Variants in RASD2 observed in about 807,000 individuals in gnomAD.
RASD2 encodes the protein RASD family member 2, also known as GTP-binding protein Rhes.
Under a neutral mutation model 15.8 loss-of-function variants are expected in RASD2, and 7 were observed. That is an observed-to-expected ratio of 0.44 (90% CI 0.25 to 0.83). The LOEUF is 0.83. RASD2 is among the 40% of genes least tolerant of loss of function. The pLI is 0.20. For missense variants in RASD2, 274 were observed against 382.8 expected (o/e 0.72, Z 2.37); for synonymous variants, 155 against 153.6 (o/e 1.01, Z -0.07).
In RASD2 at chr22:35,552,289, G is replaced by A; in HGVS notation, c.*257G>A. The A allele has an allele frequency of 3.7e-6, 2 of 547,292 alleles. No individual in the cohort carries two copies. The highest frequency in any genetic ancestry group is 3.2e-6 in the Non-Finnish European group (1 of 309,760). 33.9% of individuals were successfully genotyped at this position (547,292 alleles called of 1,614,324 possible). The stretch of plus-strand genomic sequence containing the variant: ...ACATCTCTGCAGCCTCAAGAGTTAG[G>A]CAGAGACTCAAGTTACACCTTCCTC... On this transcript the variant is annotated 3_prime_UTR_variant, in exon 3 of 3. Coordinates refer to ENST00000216127, the MANE Select transcript of RASD2 (RefSeq NM_014310.4).
the RASD2 span, among the ~76,000 whole-genome samples, chr22:35,534,010 T>C: frequency 6.6e-6 from 1 of 151,996 alleles, no homozygotes; most frequent in Non-Finnish European, 1.5e-5. Context: ...GTGATAGTGA[T>C]GGTAATGATG....
chr22:35,537,816 T>C (rs1934264230), upstream of RASD2, among the ~76,000 whole-genome samples: 1 of 152,194 alleles, frequency 6.6e-6, no homozygotes, highest in African/African-American at 2.4e-5. Flanking sequence ...AGGGATAGCT[T>C]CTCTTCTTTA....
At chr22:35,550,264 A>C (rs923222324) in intron 2 of RASD2, among the ~76,000 whole-genome samples, 13 of 151,524 alleles carry the variant, frequency 8.6e-5, no homozygotes, top group African/African-American at 2.9e-4. Context: ...ACTCTGTCTC[A>C]GAAAATAAAT....
At chr22:35,540,214 C>A (rs975338153), upstream of RASD2, among the ~76,000 whole-genome samples, 1 of 152,100 alleles carries the variant, frequency 6.6e-6, no homozygotes, top group African/African-American at 2.4e-5. Context: ...AGTGGGCAGG[C>A]GGCCGGACCC....
intron 2 of RASD2, among the ~76,000 whole-genome samples, chr22:35,547,638 A>T (rs1330288737): frequency 6.6e-6 from 1 of 152,172 alleles, no homozygotes. Context: ...TTTTTGAAAC[A>T]GAGTCTCGCT....
At chr22:35,550,302 A>C (rs966326351) in intron 2 of RASD2, among the ~76,000 whole-genome samples, 1 of 150,472 alleles carries the variant, frequency 6.6e-6, no homozygotes, top group East Asian at 2.0e-4. Flanking sequence ...ATAGCTAGGC[A>C]TGGTGACAGG....
At chr22:35,545,505 T>C (rs140134919) in intron 1 of RASD2, among the ~76,000 whole-genome samples, 14 of 152,328 alleles carry the variant, frequency 9.2e-5, no homozygotes, top group African/African-American at 2.4e-4. Flanking sequence ...CACCCAGCCA[T>C]GCGCCTTGTG....
chr22:35,551,065 A>G lies in RASD2; in HGVS notation c.272-438A>G, dbSNP rs1934652301. On this transcript the variant is annotated intron_variant, in intron 2 of 2. Transcript: ENST00000216127. The surrounding 1 kb of genome is among the most constrained non-coding windows in gnomAD (Gnocchi z 4.9). ...GTTACAGAGGTTTCGTGATCTGCCC[A>G]AGTCTGCTGGCAGCTAAGCGGATGA... is the stretch of plus-strand genomic sequence containing the variant. 6.6e-6 allele frequency among the ~76,000 whole-genome samples: 1 copy of G among 152,240 alleles called. No individual in the cohort carries two copies. Among genetic ancestry groups the G allele is most frequent in the Non-Finnish European group, 1.5e-5 (1 of 68,034 alleles).
At chr22:35,544,268 C>T (rs570619034) in intron 1 of RASD2, among the ~76,000 whole-genome samples, 1 of 152,308 alleles carries the variant, frequency 6.6e-6, no homozygotes, top group African/African-American at 2.4e-5. Flanking sequence ...GGCTTCTTTC[C>T]CCCCATCTCT....
At chr22:35,541,957 C>T (rs1230268646) in intron 1 of RASD2, among the ~76,000 whole-genome samples, 2 of 152,176 alleles carry the variant, frequency 1.3e-5, no homozygotes, top group Non-Finnish European at 2.9e-5. Context: ...CCTTCGTTAT[C>T]CAGAGTTCTT....
Position 35,551,784 on chromosome 22 carries a change from G to A in RASD2, c.553G>A (p.Val185Met), listed in dbSNP as rs766600291. The change falls in exon 3 of 3, where the codon GTG (valine) becomes ATG (methionine). Residue 185 changes from valine to methionine, a missense_variant. Val to Met is a conservative substitution (Grantham distance 21). Coordinates refer to ENST00000216127, the MANE Select transcript of RASD2 (RefSeq NM_014310.4). This position sits in a 1 kb window ranked among gnomAD's most constrained non-coding sequence, Gnocchi z 4.9. ...KNTNVDEMFY[V>M]LFSMAKLPHE... ...CACCAACGTGGACGAGATGTTCTAC[G>A]TGCTCTTCAGCATGGCCAAGCTGCC... 2.5e-6 allele frequency: 4 copies of A among 1,613,908 alleles called. No individual in the cohort carries two copies. The highest frequency in any genetic ancestry group is 1.3e-5 in the African/African-American group (1 of 74,894).
chr22:35,550,422 CAGAG>C (rs950379480), intron 2 of RASD2, among the ~76,000 whole-genome samples: 10 of 109,380 alleles, frequency 9.1e-5, no homozygotes, highest in Admixed American at 4.0e-4. Flanking sequence ...GCCTGGGCCA[CAGAG>C]AAAGACTCCA....
chr22:35,534,236 G>A, the RASD2 span, among the ~76,000 whole-genome samples: 2 of 152,220 alleles, frequency 1.3e-5, no homozygotes, highest in Non-Finnish European at 2.9e-5. Context: ...TGCCCTGCAT[G>A]CTTCACAGGT....
Position 35,546,786 on chromosome 22 carries a change from C to T in RASD2, c.-9-15C>T, listed in dbSNP as rs1934513734. On this transcript the variant is annotated splice_polypyrimidine_tract_variant and intron_variant, in intron 1 of 2. Coordinates refer to ENST00000216127, the MANE Select transcript of RASD2 (RefSeq NM_014310.4). ...CGGGGGGGCCCTGATGCCTGCTTCT[C>T]TCGCTTTGTTGCAGCCCCGAGCCAT... The T allele has an allele frequency of 1.2e-6, 2 of 1,609,020 alleles. No individual in the cohort carries two copies. Among genetic ancestry groups the T allele is most frequent in the South Asian group, 2.2e-5 (2 of 90,590 alleles).
chr22:35,539,586 T>G (rs1934294293), upstream of RASD2, among the ~76,000 whole-genome samples: 1 of 152,196 alleles, frequency 6.6e-6, no homozygotes, highest in African/African-American at 2.4e-5. Flanking sequence ...CAATCTCCCT[T>G]TTTCACTGAG....
intron 2 of RASD2, among the ~76,000 whole-genome samples, chr22:35,549,128 T>G (rs529594553): frequency 6.7e-4 from 102 of 152,350 alleles, no homozygotes; most frequent in Middle Eastern, 6.8e-3. Flanking sequence ...TAATGCCCCT[T>G]TGACCCATGT....
intron 2 of RASD2, among the ~76,000 whole-genome samples, chr22:35,548,846 A>T (rs1444152654): frequency 6.6e-6 from 1 of 152,010 alleles, no homozygotes; most frequent in Non-Finnish European, 1.5e-5. Context: ...CCCCAGCCAC[A>T]CAGTGGGCTT....
At chr22:35,536,792 C>T (rs956522860), upstream of RASD2, among the ~76,000 whole-genome samples, 33 of 151,038 alleles carry the variant, frequency 2.2e-4, no homozygotes, top group Non-Finnish European at 4.3e-4. Flanking sequence ...TCAGGTTCAC[C>T]GGCTTAGAGT....
At chr22:35,536,061 C>T (rs1159994427), upstream of RASD2, among the ~76,000 whole-genome samples, 2 of 152,194 alleles carry the variant, frequency 1.3e-5, no homozygotes, top group East Asian at 3.9e-4. Context: ...TTTGGTGAGG[C>T]CTTGAATGCC....
Sources: allele counts gnomAD v4.1 joint callset (sites outside exome capture counted in the v4.1 genomes callset), GRCh38; gene constraint gnomAD v4.1.1; non-coding constraint Gnocchi (gnomAD v3.1); transcripts MANE v1.5; gene names NCBI Gene and HGNC (gene_info 2026-07-23, HGNC 2026-07-21).